The following PEG3 variants were observed in gnomAD, a reference collection of about 807,000 sequenced individuals.
The protein encoded by PEG3 is paternally-expressed gene 3 protein.
A neutral mutation model predicts 35.5 loss-of-function variants in PEG3; 23 were observed. That is an observed-to-expected ratio of 0.65 (90% CI 0.47 to 0.92). The LOEUF is 0.92. Among genes scored for constraint, PEG3 ranks in the 40% least tolerant of loss-of-function variants. PEG3 has a pLI of 0.00. For synonymous variants in PEG3, 707 were observed against 697.0 expected, an observed-to-expected ratio of 1.01 and a Z score of -0.23; for missense variants, 1,960 against 1,985.3, an observed-to-expected ratio of 0.99 and a Z score of 0.24.
rs759017080 is a variant in PEG3, at chr19:56,814,232, G to C, written c.4210C>G (p.Pro1404Ala). The C allele has an allele frequency of 1.2e-6, 2 of 1,612,722 alleles. No homozygotes were observed. The highest frequency in any genetic ancestry group is 1.7e-6 in the Non-Finnish European group (2 of 1,179,500). ...AAEPEVEAAE[P>A]EVEAAEPEVE... ...TCTGGCTCAGCAGCCTCCACTTCTG[G>C]CTCGGCAGCCTCCACTTCTGGCTCA... Residue 1404 changes from proline (P) to alanine (A), a missense_variant, in exon 10 of 10, where the codon CCA becomes GCA. Coordinates refer to ENST00000326441, the MANE Select transcript of PEG3 (RefSeq NM_006210.3). The surrounding 1 kb of genome is among the most constrained non-coding windows in gnomAD (Gnocchi z 5.8).
chr19:56,824,278 C>G lies in PEG3; in HGVS notation c.378G>C (p.Glu126Asp). The G allele has an allele frequency of 6.2e-7, 1 of 1,613,646 alleles. No homozygotes were observed. The highest frequency in any genetic ancestry group is 8.5e-7 in the Non-Finnish European group (1 of 1,179,936). The change falls in exon 4 of 10, where the codon GAG (glutamate) becomes GAC (aspartate). Residue 126 changes from glutamate to aspartate, a missense_variant. Glu to Asp is a conservative substitution (Grantham distance 45). Transcript: ENST00000326441. The stretch of plus-strand genomic sequence containing the variant: ...GACTCTCACCTTCTGGTTGGTACAT[C>G]TCCTTGTAATTCTCCAGCAGAGTGA... Reference protein sequence around the residue: ...KLVTLLENYKEMYQPEDDNNS... With the variant: ...KLVTLLENYKDMYQPEDDNNS...
At position 56,824,422 on chromosome 19, in the gene PEG3, C is replaced by T. The variant is rs1469949102; in HGVS notation, c.234G>A (p.Glu78=). 7.4e-6 allele frequency: 12 copies of T among 1,614,034 alleles called. No individual in the cohort carries two copies. Among genetic ancestry groups the T allele is most frequent in the Non-Finnish European group, 9.3e-6 (11 of 1,180,032 alleles). ...RNLCLDWLQP[E]TRTKEEIIEL... ...CGATGATCTCCTCCTTGGTGCGGGT[C>T]TCCGGCTGCAACCAATCGAGGCAGA... is the stretch of plus-strand genomic sequence containing the variant. Residue 78 remains glutamate, a synonymous_variant, in exon 4 of 10, where the codon GAG becomes GAA. Transcript: ENST00000326441.
intron 5 of PEG3, 90 bp downstream of exon 5, chr19:56,823,503 T>A: frequency 6.6e-7 from 1 of 1,523,008 alleles, no homozygotes; most frequent in Non-Finnish European, 9.1e-7. Flanking sequence ...GCGGGTCATC[T>A]TCATGGAGGC....
At chr19:56,834,826 T>C (rs1342477357) in intron 2 of PEG3, among the ~76,000 whole-genome samples, 2 of 152,138 alleles carry the variant, frequency 1.3e-5, no homozygotes, top group African/African-American at 2.4e-5. Flanking sequence ...TTACTCTTCT[T>C]GTGATGGGAG....
intron 9 of PEG3, 21 bp downstream of exon 9, chr19:56,817,725 T>C (rs1327519359): frequency 6.2e-7 from 1 of 1,605,146 alleles, no homozygotes; most frequent in Non-Finnish European, 8.5e-7. Flanking sequence ...GGCTCCTCTG[T>C]GGGATGTGCC....
intron 6 of PEG3, among the ~76,000 whole-genome samples, chr19:56,822,199 G>T (rs1368779421): frequency 6.6e-6 from 1 of 152,116 alleles, no homozygotes; most frequent in Non-Finnish European, 1.5e-5. Context: ...TCCTTCTCCT[G>T]ATCAATTTTA....
In PEG3 at chr19:56,817,484, TG is replaced by T. The variant is rs770797479; in HGVS notation, c.957del (p.Lys320ArgfsTer35). ...GATTTGGAACTGCGTGACACATCCT[TG>T]ATGAATTTTTCCATTATCACTCCGT... Reference protein sequence around the residue: ...SSHGVIMEKFIKDVSRSSKSG... With the variant: ...SSHGVIMEKFXKDVSRSSKSG... On this transcript the variant is annotated frameshift_variant, in exon 10 of 10. Coordinates refer to ENST00000326441, the MANE Select transcript of PEG3 (RefSeq NM_006210.3). LOFTEE classifies it low-confidence loss of function (END_TRUNC). 1 of 1,613,198 alleles carries T rather than the reference TG, an allele frequency of 6.2e-7. No homozygotes were observed. Among genetic ancestry groups the T allele is most frequent in the South Asian group, 1.1e-5 (1 of 91,006 alleles).
chr19:56,823,827 G>A (rs563559681), intron 4 of PEG3, 148 bp from the exon 5 acceptor site: 90 of 961,722 alleles, frequency 9.4e-5, no homozygotes, highest in South Asian at 5.2e-4. Context: ...ACCCTTCAGC[G>A]GCTTCCAACC....
intron 2 of PEG3, among the ~76,000 whole-genome samples, chr19:56,834,314 C>T (rs550645868): frequency 1.3e-5 from 2 of 152,154 alleles, no homozygotes; most frequent in East Asian, 3.9e-4. Context: ...TCTTGGTAAC[C>T]CTAAGCAAGG....
chr19:56,827,662 T>A (rs1379481081), intron 2 of PEG3, among the ~76,000 whole-genome samples: 1 of 152,236 alleles, frequency 6.6e-6, no homozygotes, highest in Non-Finnish European at 1.5e-5. Context: ...AGATATGTAA[T>A]GACCTATGTG....
intron 2 of PEG3, among the ~76,000 whole-genome samples, chr19:56,828,231 C>G (rs959466818): frequency 6.6e-6 from 1 of 152,070 alleles, no homozygotes; most frequent in Non-Finnish European, 1.5e-5. Flanking sequence ...CCTAACCTGG[C>G]CATTAGCAGG....
Position 56,811,081 on chromosome 19 carries a change from T to C in PEG3, c.*2594A>G, listed in dbSNP as rs1210652170. 2.0e-6 allele frequency: 2 copies of C among 984,808 alleles called. No individual in the cohort carries two copies. The highest frequency in any genetic ancestry group is 2.4e-6 in the Non-Finnish European group (2 of 829,484). 61.0% of individuals were successfully genotyped at this position (984,808 alleles called of 1,614,324 possible). On this transcript the variant is annotated 3_prime_UTR_variant, in exon 10 of 10. Coordinates refer to ENST00000326441, the MANE Select transcript of PEG3 (RefSeq NM_006210.3). Reference sequence around the variant, plus strand: ...CAAGATAAGAGGAGAGTATATGTCTTTGGATGGTGGGGATATGATTTTTTT... The same window carrying C: ...CAAGATAAGAGGAGAGTATATGTCTCTGGATGGTGGGGATATGATTTTTTT...
At position 56,810,242 on chromosome 19, in the gene PEG3, C is replaced by T; in HGVS notation, c.*3433G>A. The T allele has an allele frequency of 1.0e-6, 1 of 983,392 alleles. No homozygotes were observed. The highest frequency in any genetic ancestry group is 1.2e-6 in the Non-Finnish European group (1 of 828,154). The allele number at this position is 983,392 out of a possible 1,614,324, so 60.9% of individuals were successfully genotyped here. A position where few individuals can be genotyped will look rare whatever the true frequency, so the allele number is the denominator to read the frequency against. On this transcript the variant is annotated 3_prime_UTR_variant, in exon 10 of 10. Coordinates refer to ENST00000326441, the MANE Select transcript of PEG3 (RefSeq NM_006210.3). ...GTGAAAACATGGGTGAGTTTCTCTT[C>T]TACATTTCTGTAACTTCAAAGTTTC...
chr19:56,827,312 T>C (rs2061137493), intron 2 of PEG3, among the ~76,000 whole-genome samples: 1 of 152,162 alleles, frequency 6.6e-6, no homozygotes, highest in Admixed American at 6.5e-5. Context: ...ATACACAATC[T>C]TCCCTTAACA....
chr19:56,811,327 C>T lies in PEG3; in HGVS notation c.*2348G>A. ...AGTTATAATGAACTGTTTAAATGAA[C>T]TGTTAAATGAACAGCATATAAATGA... On this transcript the variant is annotated 3_prime_UTR_variant, in exon 10 of 10. Transcript: ENST00000326441. The T allele has an allele frequency of 1.1e-6, 1 of 899,512 alleles. No individual in the cohort carries two copies. The allele number at this position is 899,512 out of a possible 1,614,324, so 55.7% of individuals were successfully genotyped here.
chr19:56,822,630 G>A lies in PEG3; in HGVS notation c.565+123C>T, dbSNP rs1288337720. The stretch of plus-strand genomic sequence containing the variant: ...ATACGAGCCTTGGACTAAACTTTTG[G>A]GGAAGCGGAATATACTCCAAATGGA... On this transcript the variant is annotated intron_variant, in intron 6 of 9. Coordinates refer to ENST00000326441, the MANE Select transcript of PEG3 (RefSeq NM_006210.3). 37 of 1,364,084 alleles carry A rather than the reference G, an allele frequency of 2.7e-5. No homozygotes were observed. In the Admixed American group the frequency reaches 8.2e-4, roughly 30 times the overall value. The allele number at this position is 1,364,084 out of a possible 1,614,324, so 84.5% of individuals were successfully genotyped here. A position where few individuals can be genotyped will look rare whatever the true frequency, so the allele number is the denominator to read the frequency against.
At chr19:56,818,502 A>G (rs2060190818) in intron 8 of PEG3, 98 bp downstream of exon 8, 3 of 1,242,900 alleles carry the variant, frequency 2.4e-6, no homozygotes, top group Middle Eastern at 2.1e-4. Context: ...AAGTCCAAAT[A>G]TATTAATGTG....
chr19:56,837,383 G>A (rs1014281689), intron 1 of PEG3, among the ~76,000 whole-genome samples: 53 of 152,184 alleles, frequency 3.5e-4, no homozygotes, highest in African/African-American at 1.3e-3. Flanking sequence ...CACCAACAGA[G>A]TCTCCAAATC....
At position 56,838,228 on chromosome 19, in the gene PEG3, C is replaced by T. The variant is rs183561773; in HGVS notation, c.-249-2124G>A. ...GTAACTGCCCTCACGTGCCCCATTACAGCCAAAGATTGCACCACAGTGGAC... is the reference window on the plus strand; with the variant it reads ...GTAACTGCCCTCACGTGCCCCATTATAGCCAAAGATTGCACCACAGTGGAC... On this transcript the variant is annotated intron_variant, in intron 1 of 9. Coordinates refer to ENST00000326441, the MANE Select transcript of PEG3 (RefSeq NM_006210.3). Among the ~76,000 whole-genome samples the T allele has an allele frequency of 1.7e-3, 265 of 152,308 alleles. 2 individuals carry two copies. The highest frequency in any genetic ancestry group is 6.0e-3 in the African/African-American group (251 of 41,562).
Sources: gnomAD v4.1 joint callset for allele counts (sites outside exome capture counted in the v4.1 genomes callset) on GRCh38, gnomAD v4.1.1 for gene constraint, Gnocchi (gnomAD v3.1) non-coding constraint, MANE v1.5 for transcripts, NCBI Gene and HGNC (gene_info 2026-07-23, HGNC 2026-07-21) for gene names.